The following SGCD variants were observed in gnomAD, a reference collection of about 807,000 sequenced individuals.
SGCD encodes sarcoglycan delta.
A neutral mutation model predicts 36.6 loss-of-function variants in SGCD; 18 were observed. The observed-to-expected ratio is 0.49, with a 90% CI of 0.34 to 0.73. The LOEUF (loss-of-function observed/expected upper bound fraction) is 0.73, where lower values mean the gene tolerates loss of function less well. Among genes scored for constraint, SGCD ranks in the 30% least tolerant of loss-of-function variants. The pLI is 0.01. For synonymous variants in SGCD, 133 were observed against 130.6 expected, an observed-to-expected ratio of 1.02 and a Z score of -0.12; for missense variants, 387 against 346.7, an observed-to-expected ratio of 1.12 and a Z score of -0.92.
intron 3 of SGCD, among the ~76,000 whole-genome samples, chr5:156,433,395 T>C (rs1289009582): frequency 6.6e-6 from 1 of 151,984 alleles, no homozygotes; most frequent in African/African-American, 2.4e-5. Flanking sequence ...TGATCCAGAG[T>C]AAACTGGGTT....
At chr5:156,472,591 T>C (rs375472941) in intron 3 of SGCD, among the ~76,000 whole-genome samples, 2 of 152,168 alleles carry the variant, frequency 1.3e-5, no homozygotes, top group East Asian at 3.9e-4. Flanking sequence ...CTAATTTTTG[T>C]ATTTTTAGCA....
chr5:156,196,895 AAAG>A (rs1299741040), intron 3 of SGCD, among the ~76,000 whole-genome samples: 1 of 152,308 alleles, frequency 6.6e-6, no homozygotes, highest in Admixed American at 6.5e-5. Flanking sequence ...TACATTTATC[AAAG>A]AAGGAGCTTT....
At chr5:155,780,829 A>C in the SGCD span, among the ~76,000 whole-genome samples, 3 of 152,182 alleles carry the variant, frequency 2.0e-5, no homozygotes, top group African/African-American at 7.2e-5. Flanking sequence ...GGAATAAAAG[A>C]CCCCAAAGGA....
At chr5:155,799,558 A>ATT in the SGCD span, among the ~76,000 whole-genome samples, 1 of 146,664 alleles carries the variant, frequency 6.8e-6, no homozygotes, top group Non-Finnish European at 1.5e-5. Flanking sequence ...TGCCCAGCTA[A>ATT]TTTTTTTTTT....
the SGCD span, among the ~76,000 whole-genome samples, chr5:155,796,491 GA>G: frequency 1.1e-4 from 16 of 147,618 alleles, no homozygotes; most frequent in South Asian, 2.2e-4. Flanking sequence ...TCACATATAA[GA>G]AAAAAAAAAC....
At chr5:156,178,145 G>T (rs1455328650) in intron 3 of SGCD, among the ~76,000 whole-genome samples, 1 of 152,072 alleles carries the variant, frequency 6.6e-6, no homozygotes, top group Non-Finnish European at 1.5e-5. Context: ...GAAAAACTGT[G>T]ATTGTGTGGG....
chr5:155,895,572 G>T (rs147979265), intron 1 of SGCD, among the ~76,000 whole-genome samples: 26 of 152,144 alleles, frequency 1.7e-4, no homozygotes, highest in African/African-American at 6.3e-4. Flanking sequence ...TGTCCTGGTG[G>T]TAAGTGAAAC....
At chr5:156,040,565 T>C (rs527335064) in intron 1 of SGCD, among the ~76,000 whole-genome samples, 1 of 152,236 alleles carries the variant, frequency 6.6e-6, no homozygotes, top group South Asian at 2.1e-4. Context: ...ACTGATTAGA[T>C]CCTTGTTGAA....
the SGCD span, among the ~76,000 whole-genome samples, chr5:155,782,255 C>T: frequency 6.3e-4 from 96 of 152,100 alleles, no homozygotes; most frequent in Admixed American, 1.2e-3. Flanking sequence ...GAACTCCTGA[C>T]CTCAGGTGAT....
intron 1 of SGCD, among the ~76,000 whole-genome samples, chr5:155,887,318 T>C (rs367877147): frequency 3.9e-5 from 6 of 152,242 alleles, no homozygotes; most frequent in Non-Finnish European, 8.8e-5. Flanking sequence ...TTCTGTTCCT[T>C]GGTCTTCCAT....
At chr5:156,647,779 A>G (rs1463823573) in intron 7 of SGCD, among the ~76,000 whole-genome samples, 1 of 152,144 alleles carries the variant, frequency 6.6e-6, no homozygotes, top group Middle Eastern at 3.2e-3. Flanking sequence ...TTCATTTGGA[A>G]TGTTTGTTAT....
At chr5:156,463,286 CCT>C (rs749394842) in intron 3 of SGCD, among the ~76,000 whole-genome samples, 5 of 152,080 alleles carry the variant, frequency 3.3e-5, no homozygotes, top group Non-Finnish European at 7.4e-5. Flanking sequence ...TTGTGATCTG[CCT>C]TCCTTGGCCT....
At chr5:156,654,512 G>A (rs281042) in intron 7 of SGCD, among the ~76,000 whole-genome samples, 121,003 of 151,940 alleles carry the variant, frequency 0.8, 49,280 homozygotes, top group South Asian at 0.89. Flanking sequence ...CTTTGGGGGG[G>A]TCCAAACTTT....
intron 1 of SGCD, among the ~76,000 whole-genome samples, chr5:155,911,120 C>CT (rs1409327990): frequency 6.6e-6 from 1 of 152,046 alleles, no homozygotes; most frequent in Admixed American, 6.6e-5. Flanking sequence ...CCATATCAAT[C>CT]TTTAACATCT....
intron 3 of SGCD, among the ~76,000 whole-genome samples, chr5:156,154,511 C>T (rs1762903772): frequency 6.6e-6 from 1 of 151,652 alleles, no homozygotes; most frequent in Non-Finnish European, 1.5e-5. Context: ...TTATAATATA[C>T]CCTTACCAGC....
At chr5:155,968,299 C>T (rs1455421265) in intron 1 of SGCD, among the ~76,000 whole-genome samples, 1 of 152,082 alleles carries the variant, frequency 6.6e-6, no homozygotes, top group Non-Finnish European at 1.5e-5. Context: ...TTACACATGG[C>T]ACGTGGGTGC....
intron 1 of SGCD, among the ~76,000 whole-genome samples, chr5:156,039,417 A>ACCC (rs1415502976): frequency 1.4e-5 from 2 of 145,480 alleles, no homozygotes; most frequent in African/African-American, 5.7e-5. Flanking sequence ...TCCTCCATTG[A>ACCC]CAAGGAAAGG....
chr5:156,102,372 GT>G (rs1761541060), intron 1 of SGCD, among the ~76,000 whole-genome samples: 1 of 152,032 alleles, frequency 6.6e-6, no homozygotes, highest in African/African-American at 2.4e-5. Context: ...TTTCTTGATT[GT>G]TCTCTCATGT....
intron 5 of SGCD, among the ~76,000 whole-genome samples, chr5:156,594,292 C>T (rs1171667102): frequency 6.6e-6 from 1 of 152,154 alleles, no homozygotes; most frequent in African/African-American, 2.4e-5. Flanking sequence ...GCTCCACATT[C>T]AAGAACAGCA....
Sources: allele counts gnomAD v4.1 joint callset (sites outside exome capture counted in the v4.1 genomes callset), GRCh38; gene constraint gnomAD v4.1.1; transcripts MANE v1.5; gene names NCBI Gene and HGNC (gene_info 2026-07-23, HGNC 2026-07-21).